Variants in SHISA9 observed in about 807,000 individuals in gnomAD.
The protein encoded by SHISA9 is shisa family member 9.
In SHISA9, 13 loss-of-function variants were observed where a neutral mutation model predicts 38.0. The ratio of observed to expected loss-of-function variants is 0.34; its 90% CI spans 0.22 to 0.54. The LOEUF (loss-of-function observed/expected upper bound fraction) is 0.54, where lower values mean the gene tolerates loss of function less well. SHISA9 is among the 20% of genes least tolerant of loss of function. The pLI, the probability that SHISA9 is intolerant of heterozygous loss-of-function variation, is 0.91. For missense variants in SHISA9, 538 were observed against 575.8 expected (o/e 0.93, Z 0.67); for synonymous variants, 275 against 242.0 (o/e 1.14, Z -1.27).
At chr16:12,977,498 C>T (rs2072179322) in intron 2 of SHISA9, among the ~76,000 whole-genome samples, 2 of 152,152 alleles carry the variant, frequency 1.3e-5, no homozygotes, top group South Asian at 4.1e-4. Flanking sequence ...ATCATTCTAT[C>T]ATGAAGATAT....
chr16:12,998,994 C>T (rs1338140130), intron 2 of SHISA9, among the ~76,000 whole-genome samples: 1 of 152,128 alleles, frequency 6.6e-6, no homozygotes, highest in Non-Finnish European at 1.5e-5. Flanking sequence ...GTCATCCAAT[C>T]AATACATAGC....
chr16:13,096,158 A>G (rs1163854928), intron 2 of SHISA9, among the ~76,000 whole-genome samples: 2 of 152,180 alleles, frequency 1.3e-5, no homozygotes, highest in African/African-American at 4.8e-5. Flanking sequence ...AATCATATGT[A>G]TGTCATAGGA....
At chr16:13,468,051 A>G in the SHISA9 span, among the ~76,000 whole-genome samples, 1 of 152,206 alleles carries the variant, frequency 6.6e-6, no homozygotes, top group Non-Finnish European at 1.5e-5. Flanking sequence ...CATTAGACTG[A>G]GAGGGTTTTA....
At chr16:13,111,023 C>T (rs1457933365) in intron 2 of SHISA9, among the ~76,000 whole-genome samples, 2 of 152,134 alleles carry the variant, frequency 1.3e-5, no homozygotes, top group Non-Finnish European at 2.9e-5. Flanking sequence ...CCCTTCCTTA[C>T]ACCTTATACA....
the SHISA9 span, among the ~76,000 whole-genome samples, chr16:13,429,511 T>C: frequency 6.6e-6 from 1 of 152,190 alleles, no homozygotes; most frequent in Non-Finnish European, 1.5e-5. Context: ...TGTCCCTATG[T>C]CCAAATTTCT....
intron 2 of SHISA9, among the ~76,000 whole-genome samples, chr16:13,052,408 G>T (rs2073263161): frequency 6.6e-6 from 1 of 152,152 alleles, no homozygotes; most frequent in African/African-American, 2.4e-5. Context: ...AAGCAATGAG[G>T]CCAAGAAGCC....
the SHISA9 span, among the ~76,000 whole-genome samples, chr16:13,390,094 A>C: frequency 7.9e-5 from 12 of 150,946 alleles, no homozygotes; most frequent in East Asian, 2.4e-3. Context: ...AAGTACATAG[A>C]ACTTAAATAC....
At chr16:13,155,490 C>A (rs1473312512) in intron 2 of SHISA9, among the ~76,000 whole-genome samples, 2 of 152,154 alleles carry the variant, frequency 1.3e-5, no homozygotes, top group African/African-American at 4.8e-5. Context: ...ACTAGATGAC[C>A]CCTCTGAGGG....
the SHISA9 span, among the ~76,000 whole-genome samples, chr16:13,417,041 A>C: frequency 2.0e-4 from 30 of 152,364 alleles, no homozygotes; most frequent in African/African-American, 7.0e-4. Context: ...TGTTTATAAC[A>C]ATTTAAGGAG....
the SHISA9 span, among the ~76,000 whole-genome samples, chr16:13,500,607 G>C: frequency 8.9e-3 from 1,351 of 151,326 alleles, 8 homozygotes; most frequent in Non-Finnish European, 0.012. Flanking sequence ...AGTGGAGTGT[G>C]GGGGGAGGCA....
At chr16:13,204,466 C>G (rs547531781) in intron 3 of SHISA9, among the ~76,000 whole-genome samples, 35 of 152,228 alleles carry the variant, frequency 2.3e-4, no homozygotes, top group African/African-American at 7.5e-4. Flanking sequence ...CTCCATCTAC[C>G]CTAGCTGATC....
intron 2 of SHISA9, among the ~76,000 whole-genome samples, chr16:13,036,658 A>T (rs1294006759): frequency 6.6e-6 from 1 of 152,176 alleles, no homozygotes; most frequent in African/African-American, 2.4e-5. Context: ...AAAGAGACCT[A>T]AAATTATGTT....
chr16:13,026,630 C>G (rs1187192671), intron 2 of SHISA9, among the ~76,000 whole-genome samples: 2 of 152,142 alleles, frequency 1.3e-5, no homozygotes, highest in African/African-American at 4.8e-5. Context: ...TATGTTTAAT[C>G]TTTTGAGAAA....
At chr16:13,149,871 G>A (rs192340292) in intron 2 of SHISA9, among the ~76,000 whole-genome samples, 2 of 149,332 alleles carry the variant, frequency 1.3e-5, no homozygotes, top group African/African-American at 2.5e-5. Context: ...GTTGCAGTGA[G>A]CAGCGATCAT....
chr16:13,243,280 G>A (rs548652193), downstream of SHISA9, among the ~76,000 whole-genome samples: 1 of 152,058 alleles, frequency 6.6e-6, no homozygotes, highest in South Asian at 2.1e-4. Flanking sequence ...TGCTAAGGTC[G>A]AGGACATGTG....
chr16:13,436,246 C>T, the SHISA9 span, among the ~76,000 whole-genome samples: 9 of 152,304 alleles, frequency 5.9e-5, no homozygotes, highest in East Asian at 1.4e-3. Context: ...AAAAGGGTGT[C>T]GTAAAGAAAC....
At chr16:13,482,162 C>T in the SHISA9 span, among the ~76,000 whole-genome samples, 3 of 152,214 alleles carry the variant, frequency 2.0e-5, no homozygotes, top group African/African-American at 7.2e-5. Context: ...CATTGGGAGG[C>T]ATCAGCAGAA....
chr16:13,028,273 T>C (rs964594859), intron 2 of SHISA9, among the ~76,000 whole-genome samples: 7 of 152,216 alleles, frequency 4.6e-5, no homozygotes, highest in Non-Finnish European at 7.3e-5. Flanking sequence ...TATTTATCTC[T>C]ACGTGGCTTC....
chr16:13,523,764 A>C, the SHISA9 span, among the ~76,000 whole-genome samples: 25 of 152,322 alleles, frequency 1.6e-4, no homozygotes, highest in African/African-American at 5.5e-4. Context: ...TCCCACCAGG[A>C]CCCACCTCCA....
Sources: gnomAD v4.1 joint callset for allele counts (sites outside exome capture counted in the v4.1 genomes callset) on GRCh38, gnomAD v4.1.1 for gene constraint, MANE v1.5 for transcripts, NCBI Gene and HGNC (gene_info 2026-07-23, HGNC 2026-07-21) for gene names.